The following PTPRG variants were observed in gnomAD, a reference collection of about 807,000 sequenced individuals.
The protein encoded by PTPRG is receptor-type tyrosine-protein phosphatase gamma.
Under a neutral mutation model 165.3 loss-of-function variants are expected in PTPRG, and 102 were observed. The ratio of observed to expected loss-of-function variants is 0.62; its 90% CI spans 0.53 to 0.73. The LOEUF is 0.73. Ranked by LOEUF, PTPRG falls within the 30% of genes least tolerant of loss-of-function variation. The pLI is 0.00. For synonymous variants in PTPRG, 675 were observed against 669.5 expected (o/e 1.01, Z -0.13); for missense variants, 1,866 against 1,861.4 (o/e 1.00, Z -0.05).
At chr3:61,626,030 G>T (rs1280719421) in intron 1 of PTPRG, among the ~76,000 whole-genome samples, 1 of 44,216 alleles carries the variant, frequency 2.3e-5, no homozygotes, top group African/African-American at 1.3e-4. Flanking sequence ...TTTTGGGGGG[G>T]CGGGAGAGAT....
At chr3:62,117,181 A>G (rs1702897693) in intron 5 of PTPRG, among the ~76,000 whole-genome samples, 1 of 152,208 alleles carries the variant, frequency 6.6e-6, no homozygotes, top group African/African-American at 2.4e-5. Context: ...GGGTTAAATT[A>G]TGTTTAAGGA....
chr3:61,702,191 C>T (rs1303684797), intron 1 of PTPRG, among the ~76,000 whole-genome samples: 1 of 152,152 alleles, frequency 6.6e-6, no homozygotes, highest in Non-Finnish European at 1.5e-5. Flanking sequence ...GTTGGCCAGG[C>T]TGTTCTTGAA....
chr3:62,075,372 T>G (rs1035252867), intron 4 of PTPRG, among the ~76,000 whole-genome samples: 3 of 152,210 alleles, frequency 2.0e-5, no homozygotes, highest in Admixed American at 6.5e-5. Flanking sequence ...TTAGTAGTAT[T>G]GTATCCAAAG....
intron 1 of PTPRG, chr3:61,742,979 G>C: frequency 6.6e-7 from 1 of 1,508,746 alleles, no homozygotes; most frequent in South Asian, 1.1e-5. Context: ...TTGTCCTTCT[G>C]GGGGTCATAG....
chr3:61,743,252 A>G, intron 1 of PTPRG: 1 of 653,748 alleles, frequency 1.5e-6, no homozygotes, highest in South Asian at 1.7e-5. Context: ...AATACCTGTC[A>G]CTCATTCAGC....
In PTPRG at chr3:61,773,277, T is replaced by G. The variant is rs1419060227; in HGVS notation, c.190+24295T>G. The stretch of plus-strand genomic sequence containing the variant: ...TGATAGTTAATTACTAATTAGAAAT[T>G]TAGAAGATGAAATTTTACCAGGTAG... On this transcript the variant is annotated intron_variant, in intron 2 of 29. Coordinates refer to ENST00000474889, the MANE Select transcript of PTPRG (RefSeq NM_002841.4). Among the ~76,000 whole-genome samples the G allele has an allele frequency of 2.6e-5, 4 of 152,224 alleles. No homozygotes were observed. The East Asian group carries it at 7.7e-4, about 29-fold the overall frequency.
At chr3:61,661,945 A>G (rs1347318236) in intron 1 of PTPRG, among the ~76,000 whole-genome samples, 1 of 152,210 alleles carries the variant, frequency 6.6e-6, no homozygotes, top group Admixed American at 6.5e-5. Context: ...TGCCTCATCA[A>G]GTATTTTTTT....
chr3:61,887,051 C>T (rs1420416011), intron 2 of PTPRG, among the ~76,000 whole-genome samples: 1 of 138,276 alleles, frequency 7.2e-6, no homozygotes, highest in Non-Finnish European at 1.6e-5. Flanking sequence ...GAGGAAACAT[C>T]TCTTATTTTC....
At position 62,295,929 on chromosome 3, in the gene PTPRG, A is replaced by G. The variant is rs1347766349; in HGVS notation, c.*2622A>G. 6.6e-6 allele frequency: 1 copy of G among 152,152 alleles called. No homozygotes were observed. Among genetic ancestry groups the G allele is most frequent in the African/African-American group, 2.4e-5 (1 of 41,452 alleles). 9.4% of individuals were successfully genotyped at this position (152,152 alleles called of 1,614,324 possible). A position where few individuals can be genotyped will look rare whatever the true frequency, so the allele number is the denominator to read the frequency against. On this transcript the variant is annotated 3_prime_UTR_variant, in exon 30 of 30. Transcript: ENST00000474889. ...AGACATAAGCACATTGCTTAAGTAC[A>G]TAACAAGGTTATTAACACTTGCACT...
At chr3:61,571,931 C>CT (rs1313988447) in intron 1 of PTPRG, among the ~76,000 whole-genome samples, 2 of 152,294 alleles carry the variant, frequency 1.3e-5, no homozygotes, top group South Asian at 2.1e-4. Context: ...CCCTCAATTT[C>CT]TTTCGGGTTG....
chr3:61,871,384 A>T (rs1351466346), intron 2 of PTPRG, among the ~76,000 whole-genome samples: 1 of 151,962 alleles, frequency 6.6e-6, no homozygotes, highest in Non-Finnish European at 1.5e-5. Context: ...ATGTCACCAC[A>T]TCTAGCTAAT....
intron 4 of PTPRG, among the ~76,000 whole-genome samples, chr3:62,032,936 C>T (rs1307505299): frequency 6.6e-6 from 1 of 152,074 alleles, no homozygotes; most frequent in Non-Finnish European, 1.5e-5. Context: ...TAAATGCGCA[C>T]CTGCAAGATA....
At chr3:61,854,449 C>T (rs1434999922) in intron 2 of PTPRG, among the ~76,000 whole-genome samples, 1 of 152,152 alleles carries the variant, frequency 6.6e-6, no homozygotes, top group African/African-American at 2.4e-5. Flanking sequence ...TCTCTATTTA[C>T]TCTGTTTCTC....
intron 1 of PTPRG, among the ~76,000 whole-genome samples, chr3:61,609,893 A>G (rs1349728277): frequency 6.6e-6 from 1 of 151,986 alleles, no homozygotes; most frequent in Non-Finnish European, 1.5e-5. Flanking sequence ...ATTTCTATCA[A>G]TTTACACAGA....
intron 1 of PTPRG, among the ~76,000 whole-genome samples, chr3:61,617,288 A>G (rs553069111): frequency 2.2e-4 from 34 of 152,194 alleles, no homozygotes; most frequent in Non-Finnish European, 4.6e-4. Flanking sequence ...TAACTTGTTA[A>G]TAAGTGGTAG....
intron 1 of PTPRG, chr3:61,743,136 A>T: frequency 8.4e-7 from 1 of 1,187,450 alleles, no homozygotes; most frequent in Non-Finnish European, 1.2e-6. Flanking sequence ...ACCGGAAAAG[A>T]GCGGGTCTGG....
chr3:62,112,334 C>T (rs974592607), intron 5 of PTPRG, among the ~76,000 whole-genome samples: 1 of 152,088 alleles, frequency 6.6e-6, no homozygotes. Context: ...AAACTCCTGA[C>T]CTCAAGCAAT....
At position 62,213,542 on chromosome 3, in the gene PTPRG, T is replaced by C. The variant is rs915063453; in HGVS notation, c.2156-5309T>C. On this transcript the variant is annotated intron_variant, in intron 12 of 29. Transcript: ENST00000474889. This position sits in a 1 kb window ranked among gnomAD's most constrained non-coding sequence, Gnocchi z 4.4. ...AGGTGAGTGTTACCATTTGTCTCCC[T>C]TTGATACAGGAGTGAACAGACACTC... 6.6e-6 allele frequency among the ~76,000 whole-genome samples: 1 copy of C among 152,130 alleles called. No homozygotes were observed. Among genetic ancestry groups the C allele is most frequent in the African/African-American group, 2.4e-5 (1 of 41,418 alleles).
At chr3:61,669,992 C>T (rs1702924689) in intron 1 of PTPRG, among the ~76,000 whole-genome samples, 1 of 152,174 alleles carries the variant, frequency 6.6e-6, no homozygotes, top group East Asian at 1.9e-4. Flanking sequence ...CTTCTGTCCC[C>T]ACCCTGGCTC....
Sources: allele counts gnomAD v4.1 joint callset (sites outside exome capture counted in the v4.1 genomes callset), GRCh38; gene constraint gnomAD v4.1.1; non-coding constraint Gnocchi (gnomAD v3.1); transcripts MANE v1.5; gene names NCBI Gene and HGNC (gene_info 2026-07-23, HGNC 2026-07-21).